Variants in FKBP1B observed in about 807,000 individuals in gnomAD.
The protein encoded by FKBP1B is peptidyl-prolyl cis-trans isomerase FKBP1B.
Under a neutral mutation model 13.5 loss-of-function variants are expected in FKBP1B, and 4 were observed. The observed-to-expected ratio is 0.30, with a 90% CI of 0.15 to 0.68. The LOEUF (loss-of-function observed/expected upper bound fraction) is 0.68, where lower values mean the gene tolerates loss of function less well. Ranked by LOEUF, FKBP1B falls within the 30% of genes least tolerant of loss-of-function variation. The pLI is 0.76. For missense variants in FKBP1B, 93 were observed against 136.2 expected (o/e 0.68, Z 1.58); for synonymous variants, 54 against 53.6 (o/e 1.01, Z -0.03).
rs1663836070 is a variant in FKBP1B at position 24,050,866 on chromosome 2, G to A, written c.37+980G>A. On this transcript the variant is annotated intron_variant, in intron 1 of 3. Transcript: ENST00000380986. The surrounding 1 kb of genome is among the most constrained non-coding windows in gnomAD (Gnocchi z 5.8). ...CCAGCCACTACTTCAGATATCCCCTGGAGTACAGGCTTCTTTGCCCACGCA... is the reference window on the plus strand; with the variant it reads ...CCAGCCACTACTTCAGATATCCCCTAGAGTACAGGCTTCTTTGCCCACGCA... 6.6e-6 allele frequency among the ~76,000 whole-genome samples: 1 copy of A among 152,180 alleles called. No individual in the cohort carries two copies. Among genetic ancestry groups the A allele is most frequent in the Non-Finnish European group, 1.5e-5 (1 of 68,026 alleles).
chr2:24,036,079 A>C, the FKBP1B span, among the ~76,000 whole-genome samples: 1 of 148,552 alleles, frequency 6.7e-6, no homozygotes, highest in Non-Finnish European at 1.5e-5. Flanking sequence ...TAAATAAATA[A>C]ATAAATAAAT....
intron 3 of FKBP1B, among the ~76,000 whole-genome samples, chr2:24,062,096 C>G (rs1440784406): frequency 6.6e-6 from 1 of 152,240 alleles, no homozygotes; most frequent in South Asian, 2.1e-4. Context: ...TGGTCTCGGT[C>G]TCCTGACCTC....
chr2:24,034,334 C>T, the FKBP1B span, among the ~76,000 whole-genome samples: 15 of 152,258 alleles, frequency 9.9e-5, no homozygotes, highest in East Asian at 3.9e-4. Context: ...GGCAGAGAAT[C>T]GCTTGAACCC....
Position 24,059,426 on chromosome 2 carries a change from C to T in FKBP1B, c.86-1388C>T, listed in dbSNP as rs186260301. ...TCTTAGTACAGAGTCTGGAGGCCACCTCTGACCAGCTAGGTCACCTTACAC... is the reference window on the plus strand; with the variant it reads ...TCTTAGTACAGAGTCTGGAGGCCACTTCTGACCAGCTAGGTCACCTTACAC... On this transcript the variant is annotated intron_variant, in intron 2 of 3. Coordinates refer to ENST00000380986, the MANE Select transcript of FKBP1B (RefSeq NM_004116.5). 2.3e-4 allele frequency among the ~76,000 whole-genome samples: 35 copies of T among 152,210 alleles called. No homozygotes were observed. In the East Asian group the frequency reaches 6.8e-3, roughly 29 times the overall value.
At chr2:24,044,262 T>C in the FKBP1B span, among the ~76,000 whole-genome samples, 1 of 150,794 alleles carries the variant, frequency 6.6e-6, no homozygotes, top group African/African-American at 2.4e-5. Flanking sequence ...ATAAGTTTAC[T>C]GAGGTTTTTT....
chr2:24,042,709 CA>C, the FKBP1B span, among the ~76,000 whole-genome samples: 124 of 140,568 alleles, frequency 8.8e-4, no homozygotes, highest in East Asian at 5.9e-3. Context: ...AACTCTGTCT[CA>C]AAAAAAAAAA....
chr2:24,055,651 T>C (rs1664092205), intron 2 of FKBP1B, among the ~76,000 whole-genome samples: 1 of 152,246 alleles, frequency 6.6e-6, no homozygotes, highest in Non-Finnish European at 1.5e-5. Context: ...TCCAGAATGG[T>C]TTATTCCTCT....
the FKBP1B span, among the ~76,000 whole-genome samples, chr2:24,037,133 T>TA: frequency 6.6e-6 from 1 of 152,222 alleles, no homozygotes; most frequent in East Asian, 1.9e-4. Context: ...GCTCAAGTGA[T>TA]ACTCCTGCTT....
At chr2:24,056,034 G>A (rs1412854156) in intron 2 of FKBP1B, among the ~76,000 whole-genome samples, 2 of 152,188 alleles carry the variant, frequency 1.3e-5, no homozygotes. Context: ...ATGTTGCCCA[G>A]GCTGGAGAGA....
the FKBP1B span, chr2:24,038,767 C>T: frequency 1.4e-5 from 22 of 1,614,016 alleles, no homozygotes; most frequent in Non-Finnish European, 1.8e-5. Flanking sequence ...CATGTCTTTA[C>T]TGTTAGGTGG....
At chr2:24,037,557 C>T in the FKBP1B span, 1 of 1,174,008 alleles carries the variant, frequency 8.5e-7, no homozygotes, top group Non-Finnish European at 1.2e-6. Flanking sequence ...TGTAACATAA[C>T]ATGCCCAGCT....
the FKBP1B span, chr2:24,038,907 G>C: frequency 6.2e-7 from 1 of 1,614,210 alleles, no homozygotes; most frequent in South Asian, 1.1e-5. Flanking sequence ...ACACCAGGCA[G>C]GAGGAGCACC....
chr2:24,049,750 G>T lies in FKBP1B; in HGVS notation c.-100G>T. The T allele has an allele frequency of 1.0e-6, 1 of 977,690 alleles. No homozygotes were observed. Among genetic ancestry groups the T allele is most frequent in the Non-Finnish European group, 1.3e-6 (1 of 743,494 alleles). 60.6% of individuals were successfully genotyped at this position (977,690 alleles called of 1,614,324 possible). ...CACCTCCTCCGGCTCTGCAGTGGCG[G>T]CGAGGAGGCGAGCCGGAGCGACGGC... On this transcript the variant is annotated 5_prime_UTR_variant, in exon 1 of 4. Transcript: ENST00000380986.
At chr2:24,059,619 C>T (rs1173584418) in intron 2 of FKBP1B, among the ~76,000 whole-genome samples, 2 of 152,086 alleles carry the variant, frequency 1.3e-5, no homozygotes, top group Admixed American at 6.5e-5. Flanking sequence ...TCTGGCTGGG[C>T]ATGATAGCTC....
At chr2:24,047,697 A>C (rs1022087380), upstream of FKBP1B, among the ~76,000 whole-genome samples, 3 of 152,148 alleles carry the variant, frequency 2.0e-5, no homozygotes, top group Non-Finnish European at 2.9e-5. Context: ...TAAGGAGTCC[A>C]GGAGCCCTAG....
intron 1 of FKBP1B, among the ~76,000 whole-genome samples, chr2:24,053,512 G>A (rs1023440299): frequency 1.3e-5 from 2 of 151,938 alleles, no homozygotes; most frequent in African/African-American, 4.8e-5. Flanking sequence ...GTATTTGTGT[G>A]TCTGTTTCCC....
At chr2:24,047,072 G>A (rs1663648997), upstream of FKBP1B, among the ~76,000 whole-genome samples, 1 of 151,914 alleles carries the variant, frequency 6.6e-6, no homozygotes, top group African/African-American at 2.4e-5. Flanking sequence ...GACTTCCTTG[G>A]GACATATTCC....
At chr2:24,063,042 C>T (rs1664470523) in intron 3 of FKBP1B, 22 bp from the exon 4 acceptor site, 5 of 1,614,228 alleles carry the variant, frequency 3.1e-6, no homozygotes, top group Non-Finnish European at 4.2e-6. Context: ...CTCCTCTCCC[C>T]ATCTGCCCCC....
rs942576944 is a variant in FKBP1B, at chr2:24,049,873, C to T, written c.24C>T (p.Ile8=). 2.1e-6 allele frequency: 3 copies of T among 1,427,020 alleles called. No individual in the cohort carries two copies. Among genetic ancestry groups the T allele is most frequent in the Non-Finnish European group, 2.8e-6 (3 of 1,088,996 alleles). 88.4% of individuals were successfully genotyped at this position (1,427,020 alleles called of 1,614,324 possible). ...CTATGGGCGTGGAGATCGAGACCATCTCCCCCGGAGACGGTACCGGGCTCC... is the reference window on the plus strand; with the variant it reads ...CTATGGGCGTGGAGATCGAGACCATTTCCCCCGGAGACGGTACCGGGCTCC... MGVEIET[I]SPGDGRTFPK... Residue 8 remains isoleucine (I), a synonymous_variant, in exon 1 of 4, where the codon ATC becomes ATT. Coordinates refer to ENST00000380986, the MANE Select transcript of FKBP1B (RefSeq NM_004116.5).
Sources: gnomAD v4.1 joint callset for allele counts (sites outside exome capture counted in the v4.1 genomes callset) on GRCh38, gnomAD v4.1.1 for gene constraint, Gnocchi (gnomAD v3.1) non-coding constraint, MANE v1.5 for transcripts, NCBI Gene and HGNC (gene_info 2026-07-23, HGNC 2026-07-21) for gene names.